CTNNA3: variants seen among roughly 807,000 people sequenced by gnomAD.
The protein encoded by CTNNA3 is catenin alpha 3, also known as catenin alpha-3.
CTNNA3 carries 76 observed loss-of-function variants against 95.7 expected under a neutral mutation model. That is an observed-to-expected ratio of 0.79 (90% CI 0.66 to 0.96). The LOEUF is 0.96. Ranked by LOEUF, CTNNA3 falls within the 40% of genes least tolerant of loss-of-function variation. The probability of loss-of-function intolerance (pLI) is 0.00; values close to 1 mark genes in which losing one functional copy is unlikely to be tolerated. For missense variants in CTNNA3, 1,191 were observed against 1,089.8 expected (o/e 1.09, Z -1.31); for synonymous variants, 431 against 374.4 (o/e 1.15, Z -1.74).
chr10:66,238,630 G>A (rs1432829737), intron 13 of CTNNA3, among the ~76,000 whole-genome samples: 1 of 151,636 alleles, frequency 6.6e-6, no homozygotes, highest in African/African-American at 2.4e-5. Flanking sequence ...AAACAGATTG[G>A]AGAATAATTT....
At chr10:67,329,889 C>T (rs1410166538) in intron 5 of CTNNA3, among the ~76,000 whole-genome samples, 1 of 152,158 alleles carries the variant, frequency 6.6e-6, no homozygotes, top group East Asian at 1.9e-4. Context: ...TTATAAAATA[C>T]CTAGGAACCC....
chr10:67,684,897 G>T (rs1840700688), intron 1 of CTNNA3, among the ~76,000 whole-genome samples: 1 of 152,232 alleles, frequency 6.6e-6, no homozygotes, highest in Admixed American at 6.5e-5. Flanking sequence ...AGTTTGAAAG[G>T]TGTTGTCTGA....
At chr10:66,733,957 T>C (rs1849047131) in intron 9 of CTNNA3, among the ~76,000 whole-genome samples, 2 of 151,754 alleles carry the variant, frequency 1.3e-5, no homozygotes, top group Admixed American at 6.6e-5. Context: ...ATTGCAAATA[T>C]TTTCCCAGAT....
chr10:66,196,044 A>G (rs1375515662), intron 13 of CTNNA3, among the ~76,000 whole-genome samples: 1 of 152,222 alleles, frequency 6.6e-6, no homozygotes, highest in African/African-American at 2.4e-5. Flanking sequence ...AAACGAGGAA[A>G]TTATTAAAAG....
At chr10:67,542,339 C>A (rs1007091953) in intron 3 of CTNNA3, among the ~76,000 whole-genome samples, 1 of 152,102 alleles carries the variant, frequency 6.6e-6, no homozygotes, top group African/African-American at 2.4e-5. Context: ...TTTATTATAA[C>A]AAATTGTATC....
rs953965544 is a variant in CTNNA3 at position 67,204,046 on chromosome 10, T to C, written c.843+15561A>G. Among the ~76,000 whole-genome samples, 5 of 152,152 alleles carry C rather than the reference T, an allele frequency of 3.3e-5. No homozygotes were observed. The East Asian group carries it at 5.8e-4, about 18-fold the overall frequency. ...GCCCTCTCTTTAAAAGAAGAAAATA[T>C]GAACTTAGGAATTCAACTTCCTAAG... On this transcript the variant is annotated intron_variant, in intron 6 of 17. Coordinates refer to ENST00000433211, the MANE Select transcript of CTNNA3 (RefSeq NM_013266.4).
chr10:67,527,829 T>C (rs1216384884), intron 4 of CTNNA3, among the ~76,000 whole-genome samples: 1 of 152,194 alleles, frequency 6.6e-6, no homozygotes, highest in African/African-American at 2.4e-5. Flanking sequence ...AGAATTTTGC[T>C]TGTTGATTTT....
At chr10:66,043,200 T>C (rs1362424575) in intron 15 of CTNNA3, among the ~76,000 whole-genome samples, 1 of 139,894 alleles carries the variant, frequency 7.1e-6, no homozygotes. Flanking sequence ...AAAAGATAAA[T>C]GATTTAATGG....
chr10:66,475,683 G>A (rs1421050243), intron 11 of CTNNA3, among the ~76,000 whole-genome samples: 1 of 152,056 alleles, frequency 6.6e-6, no homozygotes, highest in Non-Finnish European at 1.5e-5. Context: ...ACGCCAGTCA[G>A]AATGGCAATC....
At chr10:66,292,038 A>G (rs1218803916) in intron 12 of CTNNA3, among the ~76,000 whole-genome samples, 2 of 151,590 alleles carry the variant, frequency 1.3e-5, no homozygotes, top group Non-Finnish European at 2.9e-5. Context: ...ACATGTATAC[A>G]CACACCAAAT....
chr10:67,213,081 C>T (rs891526814), intron 6 of CTNNA3, among the ~76,000 whole-genome samples: 2 of 151,752 alleles, frequency 1.3e-5, no homozygotes, highest in Admixed American at 1.3e-4. Context: ...CTCCTATTTG[C>T]TTTCAGTAAA....
At chr10:66,911,094 AGATT>A (rs1041187105) in intron 7 of CTNNA3, among the ~76,000 whole-genome samples, 2 of 152,194 alleles carry the variant, frequency 1.3e-5, no homozygotes, top group African/African-American at 4.8e-5. Flanking sequence ...TGTGGAAGAT[AGATT>A]ATGTGTGCTA....
At chr10:66,617,060 G>A (rs973080445) in intron 10 of CTNNA3, among the ~76,000 whole-genome samples, 56 of 151,882 alleles carry the variant, frequency 3.7e-4, no homozygotes, top group Middle Eastern at 3.4e-3. Context: ...TTTTATTTCT[G>A]CTAGGTACAG....
At chr10:67,201,455 TTTTTTTTATTA>T (rs1249584946) in intron 6 of CTNNA3, among the ~76,000 whole-genome samples, 4 of 151,654 alleles carry the variant, frequency 2.6e-5, no homozygotes, top group African/African-American at 4.9e-5. Flanking sequence ...GTCTATTCTT[TTTTTTTTATTA>T]TTTTTTTATT....
chr10:67,652,534 G>A (rs986346753), intron 1 of CTNNA3, among the ~76,000 whole-genome samples: 2 of 152,028 alleles, frequency 1.3e-5, no homozygotes, highest in Non-Finnish European at 2.9e-5. Context: ...GTAATACAAG[G>A]TTTAATAATG....
At chr10:66,147,717 A>G (rs1405233569) in intron 13 of CTNNA3, among the ~76,000 whole-genome samples, 2 of 150,066 alleles carry the variant, frequency 1.3e-5, no homozygotes, top group Non-Finnish European at 3.0e-5. Context: ...CCTGTAAGAT[A>G]CGTTTATAAA....
At chr10:67,304,279 C>G (rs80150275) in intron 5 of CTNNA3, among the ~76,000 whole-genome samples, 6,200 of 152,210 alleles carry the variant, frequency 0.041, 191 homozygotes, top group Middle Eastern at 0.061. Context: ...CCTTGTCAAA[C>G]CCATCTCTCC....
At chr10:67,714,564 T>C (rs1841131710) in intron 1 of CTNNA3, among the ~76,000 whole-genome samples, 1 of 152,242 alleles carries the variant, frequency 6.6e-6, no homozygotes, top group South Asian at 2.1e-4. Context: ...TAGAAGGCAC[T>C]TGCCTTATCT....
intron 5 of CTNNA3, among the ~76,000 whole-genome samples, chr10:67,392,977 A>G (rs1038148050): frequency 1.3e-5 from 2 of 152,302 alleles, no homozygotes; most frequent in East Asian, 1.9e-4. Context: ...TAGTGGGTGC[A>G]GCGCACCAGC....
Sources: allele counts gnomAD v4.1 joint callset (sites outside exome capture counted in the v4.1 genomes callset), GRCh38; gene constraint gnomAD v4.1.1; transcripts MANE v1.5; gene names NCBI Gene and HGNC (gene_info 2026-07-23, HGNC 2026-07-21).